Variants in C2CD2 observed in about 807,000 individuals in gnomAD.
C2CD2 encodes C2 calcium dependent domain containing 2.
Under a neutral mutation model 74.3 loss-of-function variants are expected in C2CD2, and 43 were observed. The observed-to-expected ratio is 0.58, with a 90% CI of 0.45 to 0.75. The LOEUF (loss-of-function observed/expected upper bound fraction) is 0.75. Ranked by LOEUF, C2CD2 falls within the 30% of genes least tolerant of loss-of-function variation. C2CD2 has a pLI of 0.00. For synonymous variants in C2CD2, 422 were observed against 390.7 expected (o/e 1.08, Z -0.94); for missense variants, 801 against 916.3 (o/e 0.87, Z 1.63).
chr21:41,904,047 G>T (rs2064931462), intron 11 of C2CD2, among the ~76,000 whole-genome samples: 1 of 152,142 alleles, frequency 6.6e-6, no homozygotes, highest in African/African-American at 2.4e-5. Context: ...CTTACTCACA[G>T]GGTGAGCTAG....
intron 2 of C2CD2, among the ~76,000 whole-genome samples, chr21:41,922,617 G>T (rs2065167945): frequency 6.6e-6 from 1 of 152,018 alleles, no homozygotes; most frequent in Admixed American, 6.6e-5. Flanking sequence ...TGGGATTACA[G>T]GTGTGTGCCA....
intron 13 of C2CD2, chr21:41,894,947 A>G (rs1263744333): frequency 4.4e-6 from 2 of 456,600 alleles, no homozygotes; most frequent in Admixed American, 4.7e-5. Flanking sequence ...GCCCACCTCC[A>G]CGAGCAACAC....
chr21:41,927,565 G>T (rs1455154662), intron 2 of C2CD2, among the ~76,000 whole-genome samples: 3 of 152,082 alleles, frequency 2.0e-5, no homozygotes, highest in Admixed American at 1.3e-4. Context: ...CTGCTTCCTG[G>T]ATTCAAGCGA....
At position 41,912,349 on chromosome 21, in the gene C2CD2, C is replaced by G. The variant is rs1343615354; in HGVS notation, c.936G>C (p.Trp312Cys). ...TLTKNTPDLM[W>C]EEEFTFELNA... ...AGACTCACAAGGTGAATTCCTCTTC[C>G]CACATGAGGTCCGGAGTGTTTTTCG... The change falls in exon 7 of 14, where the codon TGG becomes TGC. Residue 312 changes from tryptophan to cysteine, a missense_variant. Physicochemically the swap from Trp to Cys is radical, Grantham distance 215. Coordinates refer to ENST00000380486, the MANE Select transcript of C2CD2 (RefSeq NM_015500.2). The G allele has an allele frequency of 6.2e-7, 1 of 1,610,896 alleles. No homozygotes were observed. Among genetic ancestry groups the G allele is most frequent in the African/African-American group, 1.3e-5 (1 of 74,844 alleles).
intron 2 of C2CD2, among the ~76,000 whole-genome samples, chr21:41,937,128 CT>C (rs2065315553): frequency 2.8e-5 from 4 of 142,488 alleles, no homozygotes; most frequent in Non-Finnish European, 6.1e-5. Context: ...ATTTTTTTTT[CT>C]TTTTTTGAGA....
chr21:41,894,531 T>C (rs1569054041), intron 13 of C2CD2: 2 of 407,234 alleles, frequency 4.9e-6, no homozygotes, highest in East Asian at 1.4e-4. Context: ...TCTAGAAAAA[T>C]GGGCAAGTCT....
At chr21:41,943,947 C>T (rs894848658) in intron 1 of C2CD2, among the ~76,000 whole-genome samples, 3 of 152,180 alleles carry the variant, frequency 2.0e-5, no homozygotes, top group Admixed American at 2.0e-4. Context: ...GCCAGGGCCA[C>T]GCTCTGAGCT....
chr21:41,915,178 C>T (rs1173075848), intron 5 of C2CD2, among the ~76,000 whole-genome samples: 1 of 152,202 alleles, frequency 6.6e-6, no homozygotes, highest in Admixed American at 6.5e-5. Context: ...TCAGCCCACA[C>T]CCATTTCCCA....
chr21:41,906,509 G>A (rs1276332538), intron 10 of C2CD2, among the ~76,000 whole-genome samples: 2 of 152,140 alleles, frequency 1.3e-5, no homozygotes, highest in African/African-American at 2.4e-5. Flanking sequence ...AGGACTCCAC[G>A]CACGTGCCAC....
intron 7 of C2CD2, 61 bp from the exon 8 acceptor site, chr21:41,909,584 A>G (rs1427374289): frequency 3.6e-6 from 4 of 1,113,702 alleles, no homozygotes; most frequent in Non-Finnish European, 5.5e-6. Context: ...TTTTTATGAA[A>G]TAGAGTGTTT....
At chr21:41,912,831 G>GA (rs200207214) in intron 6 of C2CD2, among the ~76,000 whole-genome samples, 3,215 of 151,972 alleles carry the variant, frequency 0.021, 137 homozygotes, top group African/African-American at 0.073. Context: ...TGTATGCATA[G>GA]AAAAAAAAGG....
rs1413897059 is a variant in C2CD2, at chr21:41,923,185, C to T, written c.379-1100G>A. ...TAATTTTTTGTGTTTTTAGTAGAGACGGGGTTTCACCATTAGCCAGGAGGG... is the reference window on the plus strand; with the variant it reads ...TAATTTTTTGTGTTTTTAGTAGAGATGGGGTTTCACCATTAGCCAGGAGGG... On this transcript the variant is annotated intron_variant, in intron 2 of 13. Coordinates refer to ENST00000380486, the MANE Select transcript of C2CD2 (RefSeq NM_015500.2). This position sits in a 1 kb window ranked among gnomAD's most constrained non-coding sequence, Gnocchi z 5.8. Among the ~76,000 whole-genome samples the T allele has an allele frequency of 6.6e-6, 1 of 152,020 alleles. No homozygotes were observed. Among genetic ancestry groups the T allele is most frequent in the Admixed American group, 6.6e-5 (1 of 15,260 alleles).
intron 1 of C2CD2, among the ~76,000 whole-genome samples, chr21:41,951,953 C>G (rs778647047): frequency 1.3e-5 from 2 of 152,204 alleles, no homozygotes; most frequent in Non-Finnish European, 2.9e-5. Flanking sequence ...GAGACTGGTG[C>G]CCAATCAAGC....
chr21:41,947,763 G>A (rs1288902496), intron 1 of C2CD2, among the ~76,000 whole-genome samples: 2 of 152,164 alleles, frequency 1.3e-5, no homozygotes, highest in African/African-American at 4.8e-5. Flanking sequence ...TTTCTGGATT[G>A]AATCCAGTTT....
rs9631434 is a variant in C2CD2, at chr21:41,948,016, G to A, written c.279+5354C>T. Among the ~76,000 whole-genome samples the A allele has an allele frequency of 4.6e-3, 695 of 152,364 alleles. 5 individuals carry two copies. The highest frequency in any genetic ancestry group is 7.0e-3 in the Non-Finnish European group (476 of 68,036). ...ACTTTCCTGAATCCCTGTCTTGTTG[G>A]GAGAATGGGTTAGTGCAAAGAACAA... On this transcript the variant is annotated intron_variant, in intron 1 of 13. Transcript: ENST00000380486.
At chr21:41,911,990 C>T (rs952229416) in intron 7 of C2CD2, among the ~76,000 whole-genome samples, 1 of 152,188 alleles carries the variant, frequency 6.6e-6, no homozygotes, top group Non-Finnish European at 1.5e-5. Context: ...GCATGAGCCT[C>T]TGCACCCAGC....
chr21:41,944,355 A>G (rs2065380356), intron 1 of C2CD2, among the ~76,000 whole-genome samples: 1 of 151,878 alleles, frequency 6.6e-6, no homozygotes, highest in Admixed American at 6.6e-5. Context: ...TATTAAAAAT[A>G]CACACACACA....
In C2CD2 at chr21:41,892,479, CA is replaced by C. The variant is rs770864264; in HGVS notation, c.1871-3136del. ...GGCTTAAGGATCCAGGAACGTCCACCATGTCTTCCTGTTCAGTCCTTAGAAC... is the reference window on the plus strand; with the variant it reads ...GGCTTAAGGATCCAGGAACGTCCACCTGTCTTCCTGTTCAGTCCTTAGAAC... On this transcript the variant is annotated intron_variant, in intron 13 of 13. Coordinates refer to ENST00000380486, the MANE Select transcript of C2CD2 (RefSeq NM_015500.2). The surrounding 1 kb of genome is among the most constrained non-coding windows in gnomAD (Gnocchi z 4.6). Among the ~76,000 whole-genome samples, 2 of 152,146 alleles carry C rather than the reference CA, an allele frequency of 1.3e-5. No individual in the cohort carries two copies. Among genetic ancestry groups the C allele is most frequent in the Non-Finnish European group, 2.9e-5 (2 of 68,022 alleles).
chr21:41,921,911 C>G, intron 3 of C2CD2, 61 bp downstream of exon 3: 1 of 1,013,282 alleles, frequency 9.9e-7, no homozygotes, highest in Non-Finnish European at 1.6e-6. Flanking sequence ...ACCATGCTCA[C>G]TCTTCACATT....
Sources: allele counts gnomAD v4.1 joint callset (sites outside exome capture counted in the v4.1 genomes callset), GRCh38; gene constraint gnomAD v4.1.1; non-coding constraint Gnocchi (gnomAD v3.1); transcripts MANE v1.5; gene names NCBI Gene and HGNC (gene_info 2026-07-23, HGNC 2026-07-21).